Variants in NPAS3 observed in about 807,000 individuals in gnomAD.
The protein encoded by NPAS3 is neuronal PAS domain-containing protein 3.
NPAS3 carries 14 observed loss-of-function variants against 73.1 expected under a neutral mutation model. The observed-to-expected ratio is 0.19, with a 90% confidence interval of 0.13 to 0.30. The LOEUF (loss-of-function observed/expected upper bound fraction) is 0.30. Among genes scored for constraint, NPAS3 ranks in the 10% least tolerant of loss-of-function variants. The pLI is 1.00. For missense variants in NPAS3, 1,096 were observed against 1,250.0 expected (o/e 0.88, Z 1.86); for synonymous variants, 620 against 541.5 (o/e 1.14, Z -2.01).
intron 7 of NPAS3, among the ~76,000 whole-genome samples, chr14:33,761,446 G>A (rs977771319): frequency 1.3e-5 from 2 of 151,866 alleles, no homozygotes; most frequent in Non-Finnish European, 2.9e-5. Flanking sequence ...TTCTTTAAAT[G>A]GTATTAGGGA....
chr14:33,357,622 G>A (rs139175359), intron 3 of NPAS3, among the ~76,000 whole-genome samples: 5 of 152,302 alleles, frequency 3.3e-5, no homozygotes, highest in South Asian at 4.1e-4. Context: ...TGTGCTTAGC[G>A]CCCCCGCGGG....
At chr14:33,596,339 C>T (rs1248073440) in intron 5 of NPAS3, among the ~76,000 whole-genome samples, 1 of 152,164 alleles carries the variant, frequency 6.6e-6, no homozygotes, top group Non-Finnish European at 1.5e-5. Flanking sequence ...GTCTGTTTGC[C>T]TTATTTATGC....
chr14:33,392,665 C>G (rs780565404), intron 4 of NPAS3, among the ~76,000 whole-genome samples: 146 of 152,230 alleles, frequency 9.6e-4, no homozygotes, highest in Non-Finnish European at 6.6e-4. Context: ...GTCTGGAAAT[C>G]CCCTGAAAGC....
At chr14:33,252,414 G>A (rs1193667909) in intron 3 of NPAS3, among the ~76,000 whole-genome samples, 3 of 151,900 alleles carry the variant, frequency 2.0e-5, no homozygotes, top group African/African-American at 7.3e-5. Context: ...TGTCTAAGAA[G>A]GCAACTAAGG....
intron 1 of NPAS3, among the ~76,000 whole-genome samples, chr14:32,941,305 CTCCCTCCTTCCTTCCT>C (rs2036001817): frequency 1.1e-4 from 1 of 9,046 alleles, no homozygotes; most frequent in African/African-American, 5.6e-4. Flanking sequence ...CCCTCCCTCC[CTCCCTCCTTCCTTCCT>C]TCCTTCCTTC....
intron 3 of NPAS3, among the ~76,000 whole-genome samples, chr14:33,326,683 C>G (rs1178959740): frequency 1.3e-5 from 2 of 152,108 alleles, no homozygotes; most frequent in Non-Finnish European, 2.9e-5. Flanking sequence ...AAAGCTGTGG[C>G]ACTGGAAAGG....
At chr14:33,678,267 G>T (rs574974882) in intron 6 of NPAS3, among the ~76,000 whole-genome samples, 10 of 152,322 alleles carry the variant, frequency 6.6e-5, no homozygotes, top group Admixed American at 2.6e-4. Context: ...CTCGTAGATA[G>T]TTATGCCTGA....
chr14:33,393,836 G>C (rs766999925), intron 4 of NPAS3, among the ~76,000 whole-genome samples: 3 of 152,120 alleles, frequency 2.0e-5, no homozygotes, highest in Admixed American at 2.0e-4. Flanking sequence ...TATCAATATT[G>C]CTCCTATGGA....
intron 4 of NPAS3, among the ~76,000 whole-genome samples, chr14:33,507,484 A>T (rs7160145): frequency 0.32 from 48,830 of 151,562 alleles, 8,346 homozygotes; most frequent in East Asian, 0.45. Context: ...GTTTGCCCAC[A>T]CCCTCCTTGT....
In NPAS3 at chr14:33,117,757, A is replaced by T. The variant is rs190312807; in HGVS notation, c.140+61763A>T. Among the ~76,000 whole-genome samples the T allele has an allele frequency of 9.9e-5, 15 of 152,218 alleles. No homozygotes were observed. In the East Asian group the frequency reaches 2.9e-3, roughly 29 times the overall value. ...AGTCATAATTAATATTTCTGTTGGT[A>T]TTAGTAAATACCTGGAAATAATTTT... On this transcript the variant is annotated intron_variant, in intron 2 of 11. Coordinates refer to ENST00000356141, the Ensembl canonical transcript of NPAS3.
At chr14:33,377,847 A>T (rs2046374369) in intron 4 of NPAS3, among the ~76,000 whole-genome samples, 1 of 152,204 alleles carries the variant, frequency 6.6e-6, no homozygotes, top group South Asian at 2.1e-4. Context: ...CAGTAATCTG[A>T]AAGTACTAAG....
In NPAS3 at chr14:33,026,533, C is replaced by CT. The variant is rs566846054; in HGVS notation, c.51-29359dup. ...AACAACAATGTGCTAAGTGATTTTC[C>CT]TTTTTTTTTTTTTGTTCCTCTCTGT... On this transcript the variant is annotated intron_variant, in intron 1 of 11. Coordinates refer to ENST00000356141, the Ensembl canonical transcript of NPAS3. 8.2e-3 allele frequency among the ~76,000 whole-genome samples: 1,176 copies of CT among 143,382 alleles called. 12 individuals are homozygous for CT. Among genetic ancestry groups the CT allele is most frequent in the African/African-American group, 1.0e-2 (396 of 39,646 alleles). 94.1% of individuals were successfully genotyped at this position (143,382 alleles called of 152,430 possible).
chr14:33,679,179 GC>G (rs2059861002), intron 6 of NPAS3, among the ~76,000 whole-genome samples: 3 of 152,122 alleles, frequency 2.0e-5, no homozygotes, highest in Admixed American at 2.0e-4. Flanking sequence ...ATAAGAAGAG[GC>G]CCTCTTCCTT....
At chr14:32,993,284 T>C (rs1366635218) in intron 1 of NPAS3, among the ~76,000 whole-genome samples, 1 of 152,018 alleles carries the variant, frequency 6.6e-6, no homozygotes. Flanking sequence ...GATAAATATG[T>C]AGGTTTGGGA....
At chr14:33,410,145 T>C (rs2047858699) in intron 4 of NPAS3, among the ~76,000 whole-genome samples, 1 of 152,158 alleles carries the variant, frequency 6.6e-6, no homozygotes, top group Non-Finnish European at 1.5e-5. Flanking sequence ...GTCCAAGGAA[T>C]TAAAAATAAT....
At chr14:33,741,598 T>C (rs562794893) in intron 7 of NPAS3, among the ~76,000 whole-genome samples, 5 of 152,330 alleles carry the variant, frequency 3.3e-5, no homozygotes, top group African/African-American at 1.2e-4. Context: ...CGGCATTGTT[T>C]CTGATCTTAA....
intron 6 of NPAS3, among the ~76,000 whole-genome samples, chr14:33,708,850 A>T (rs1005602011): frequency 6.6e-5 from 10 of 152,050 alleles, no homozygotes; most frequent in Admixed American, 6.5e-4. Context: ...TGCTGTCCTG[A>T]GTGTGTGTGG....
chr14:33,276,340 C>T (rs1022534357), intron 3 of NPAS3, among the ~76,000 whole-genome samples: 1 of 152,100 alleles, frequency 6.6e-6, no homozygotes, highest in African/African-American at 2.4e-5. Flanking sequence ...TGGCCATCTG[C>T]AAGGTTTGTG....
At chr14:32,948,629 A>G (rs975610466) in intron 1 of NPAS3, among the ~76,000 whole-genome samples, 1 of 152,130 alleles carries the variant, frequency 6.6e-6, no homozygotes, top group African/African-American at 2.4e-5. Flanking sequence ...AAAATAATTC[A>G]TCGCTAATCC....
Sources: allele counts gnomAD v4.1 joint callset (sites outside exome capture counted in the v4.1 genomes callset), GRCh38; gene constraint gnomAD v4.1.1; transcripts MANE v1.5; gene names NCBI Gene and HGNC (gene_info 2026-07-23, HGNC 2026-07-21).